Variants in SAMHD1 observed in about 807,000 individuals in gnomAD.
SAMHD1 encodes the protein SAM and HD domain containing deoxynucleoside triphosphate triphosphohydrolase 1.
In SAMHD1, 54 loss-of-function variants were observed where a neutral mutation model predicts 79.6. The observed-to-expected ratio is 0.68, with a 90% CI of 0.55 to 0.85. SAMHD1 has a LOEUF of 0.85. Ranked by LOEUF, SAMHD1 falls within the 40% of genes least tolerant of loss-of-function variation. The probability of loss-of-function intolerance (pLI) is 0.00; values close to 1 mark genes in which losing one functional copy is unlikely to be tolerated. For synonymous variants in SAMHD1, 260 were observed against 264.1 expected (o/e 0.98, Z 0.15); for missense variants, 663 against 782.7 (o/e 0.85, Z 1.82).
intron 6 of SAMHD1, chr20:36,926,951 AAG>A (rs1320362073): frequency 4.1e-6 from 2 of 490,216 alleles, no homozygotes; most frequent in Non-Finnish European, 7.3e-6. Flanking sequence ...ATACACATCC[AAG>A]AGTTTCAAGT....
intron 4 of SAMHD1, among the ~76,000 whole-genome samples, chr20:36,934,268 G>C (rs1362437835): frequency 6.6e-6 from 1 of 151,616 alleles, no homozygotes; most frequent in African/African-American, 2.4e-5. Context: ...GCTCATACCT[G>C]TAATCCCAGT....
chr20:36,930,486 C>T (rs1031011868), intron 5 of SAMHD1, among the ~76,000 whole-genome samples: 3 of 151,520 alleles, frequency 2.0e-5, no homozygotes, highest in Non-Finnish European at 4.4e-5. Flanking sequence ...CAGAGCAAAA[C>T]TCTGTCTCAA....
At chr20:36,913,722 T>A (rs1469316465) in intron 9 of SAMHD1, among the ~76,000 whole-genome samples, 1 of 150,726 alleles carries the variant, frequency 6.6e-6, no homozygotes, top group Non-Finnish European at 1.5e-5. Flanking sequence ...CTCTAGGAAA[T>A]AGGTATTACT....
At chr20:36,893,741 T>C (rs980307660) in intron 15 of SAMHD1, 6 of 395,940 alleles carry the variant, frequency 1.5e-5, no homozygotes, top group African/African-American at 6.2e-5. Flanking sequence ...AGAGCCTCTG[T>C]TGTACCAGGA....
intron 5 of SAMHD1, among the ~76,000 whole-genome samples, chr20:36,928,828 G>T (rs1450539711): frequency 1.3e-5 from 2 of 151,942 alleles, no homozygotes; most frequent in South Asian, 2.1e-4. Context: ...AGGCTGAGGC[G>T]GGTGGATCAC....
rs1990063676 is a variant in SAMHD1, at chr20:36,891,081, A to G, written c.*1851T>C. 6.6e-6 allele frequency: 1 copy of G among 152,230 alleles called. No individual in the cohort carries two copies. Among genetic ancestry groups the G allele is most frequent in the South Asian group, 2.1e-4 (1 of 4,834 alleles). 9.4% of individuals were successfully genotyped at this position (152,230 alleles called of 1,614,324 possible). On this transcript the variant is annotated 3_prime_UTR_variant, in exon 16 of 16. Transcript: ENST00000646673. ...ACCTTGGCTAAAATGGGAATGACCT[A>G]GTGCCATGGCTGACCTCACTTGTGC...
intron 6 of SAMHD1, among the ~76,000 whole-genome samples, chr20:36,920,265 C>G (rs2063496814): frequency 1.3e-5 from 2 of 152,002 alleles, no homozygotes; most frequent in Non-Finnish European, 2.9e-5. Context: ...CAGGTGCACA[C>G]CACCCTACCC....
chr20:36,919,095 C>G lies in SAMHD1; in HGVS notation c.852+269G>C, dbSNP rs138727676. ...AAGTTGCAGTGAGCTGAGATTGTGC[C>G]ACTGCACTCCAGCCTGTGTGACAGA... On this transcript the variant is annotated intron_variant, in intron 7 of 15. Coordinates refer to ENST00000646673, the MANE Select transcript of SAMHD1 (RefSeq NM_015474.4). 0.07 allele frequency among the ~76,000 whole-genome samples: 10,721 copies of G among 152,186 alleles called. 441 individuals carry two copies. Among genetic ancestry groups the G allele is most frequent in the South Asian group, 0.088 (424 of 4,824 alleles).
chr20:36,916,841 T>A lies in SAMHD1; in HGVS notation c.954-11A>T, dbSNP rs2063479394. ...AGATGATGGCAGTCCCTAGAAGGAT[T>A]CCAAAACAGAGAGATGAAATTTTTC... On this transcript the variant is annotated splice_polypyrimidine_tract_variant and intron_variant, in intron 8 of 15. Coordinates refer to ENST00000646673, the MANE Select transcript of SAMHD1 (RefSeq NM_015474.4). The A allele has an allele frequency of 2.5e-6, 4 of 1,609,794 alleles. No homozygotes were observed. In the East Asian group the frequency reaches 8.9e-5, roughly 36 times the overall value.
chr20:36,946,155 G>T (rs995197034), intron 2 of SAMHD1, among the ~76,000 whole-genome samples: 22 of 152,082 alleles, frequency 1.4e-4, no homozygotes, highest in Admixed American at 1.3e-4. Context: ...GCCGGGCGCG[G>T]TAATTCCAGC....
At chr20:36,934,949 T>C in intron 4 of SAMHD1, 80 bp downstream of exon 4, 1 of 1,465,948 alleles carries the variant, frequency 6.8e-7, no homozygotes, top group South Asian at 1.1e-5. Context: ...TGAGCCACCA[T>C]GCCTGGCCTA....
At chr20:36,911,151 T>C (rs766760871) in intron 11 of SAMHD1, 67 bp downstream of exon 11, 32 of 864,402 alleles carry the variant, frequency 3.7e-5, no homozygotes, top group East Asian at 2.7e-4. Flanking sequence ...AAATAACTCA[T>C]TGGCAATTCA....
At chr20:36,908,798 A>G (rs1217972629) in intron 11 of SAMHD1, among the ~76,000 whole-genome samples, 3 of 152,168 alleles carry the variant, frequency 2.0e-5, no homozygotes, top group Non-Finnish European at 4.4e-5. Context: ...CAGCTGTGGT[A>G]GAACGGCAGC....
At chr20:36,940,837 T>A (rs955806382) in intron 3 of SAMHD1, 1 of 600,872 alleles carries the variant, frequency 1.7e-6, no homozygotes, top group Non-Finnish European at 3.0e-6. Context: ...CTTTTCTGTA[T>A]GCTTAAACAT....
chr20:36,912,892 T>TTTTG (rs1555833549), intron 9 of SAMHD1, among the ~76,000 whole-genome samples: 1 of 125,998 alleles, frequency 7.9e-6, no homozygotes, highest in African/African-American at 3.4e-5. Flanking sequence ...ATTCTTTGTT[T>TTTTG]TTTTTTTTTT....
intron 11 of SAMHD1, among the ~76,000 whole-genome samples, chr20:36,910,342 G>A (rs2063430471): frequency 6.6e-6 from 1 of 151,924 alleles, no homozygotes; most frequent in Non-Finnish European, 1.5e-5. Flanking sequence ...GGTTGAGGCT[G>A]CAATAAGCTG....
chr20:36,935,513 C>T lies in SAMHD1; in HGVS notation c.349-324G>A, dbSNP rs112206147. The stretch of plus-strand genomic sequence containing the variant: ...TCAAGTTAAACATGCATATTCATTT[C>T]GATTTAAACACATTCATCCACATCA... On this transcript the variant is annotated intron_variant, in intron 3 of 15. Transcript: ENST00000646673. The T allele has an allele frequency of 1.6e-3, 552 of 346,158 alleles. 4 individuals carry two copies. The highest frequency in any genetic ancestry group is 2.2e-3 in the Admixed American group (49 of 22,660). The allele number at this position is 346,158 out of a possible 1,614,324, so 21.4% of individuals were successfully genotyped here.
intron 5 of SAMHD1, 95 bp from the exon 6 acceptor site, chr20:36,927,347 C>G: frequency 1.0e-6 from 1 of 990,878 alleles, no homozygotes; most frequent in Non-Finnish European, 1.5e-6. Flanking sequence ...GACGGAGTTT[C>G]GCTCTTGTTG....
At chr20:36,914,617 C>T (rs1404648089) in intron 9 of SAMHD1, among the ~76,000 whole-genome samples, 1 of 151,850 alleles carries the variant, frequency 6.6e-6, no homozygotes, top group Admixed American at 6.5e-5. Flanking sequence ...ACCTTGGCCT[C>T]CCAAAGTGCT....
Sources: allele counts gnomAD v4.1 joint callset (sites outside exome capture counted in the v4.1 genomes callset), GRCh38; gene constraint gnomAD v4.1.1; transcripts MANE v1.5; gene names NCBI Gene and HGNC (gene_info 2026-07-23, HGNC 2026-07-21).